The following TTI2 variants were observed in gnomAD, a reference collection of about 807,000 sequenced individuals.
The protein encoded by TTI2 is TELO2-interacting protein 2.
In TTI2, 26 loss-of-function variants were observed where a neutral mutation model predicts 44.9. The observed-to-expected ratio is 0.58, with a 90% CI of 0.42 to 0.80. The LOEUF (loss-of-function observed/expected upper bound fraction) is 0.80. TTI2 is among the 30% of genes least tolerant of loss of function. The pLI is 0.00. For synonymous variants in TTI2, 254 were observed against 250.9 expected (o/e 1.01, Z -0.12); for missense variants, 582 against 611.6 (o/e 0.95, Z 0.51).
chr8:33,501,387 C>T (rs1285148169), intron 6 of TTI2: 1 of 152,154 alleles, frequency 6.6e-6, no homozygotes, highest in Non-Finnish European at 1.5e-5. Context: ...TCCCATGCTT[C>T]ACCCCCTCAT....
Position 33,509,940 on chromosome 8 carries a change from A to C in TTI2, c.648-8T>G, listed in dbSNP as rs1284250166. On this transcript the variant is annotated splice_polypyrimidine_tract_variant and splice_region_variant and intron_variant, in intron 2 of 7. Coordinates refer to ENST00000431156, the MANE Select transcript of TTI2 (RefSeq NM_001102401.4). The stretch of plus-strand genomic sequence containing the variant: ...TTATTCTTCCAGGATTCCCTAAGTG[A>C]ATACATAGAATTACATTAAGTGACA... 8.3e-6 allele frequency: 13 copies of C among 1,572,628 alleles called. No individual in the cohort carries two copies. The highest frequency in any genetic ancestry group is 1.1e-5 in the Non-Finnish European group (13 of 1,147,468).
At position 33,512,596 on chromosome 8, in the gene TTI2, A is replaced by G. The variant is rs931337304; in HGVS notation, c.18T>C (p.Ala6=). The change falls in exon 2 of 8, where the codon GCT becomes GCC. Residue 6 remains alanine, a synonymous_variant. Coordinates refer to ENST00000431156, the MANE Select transcript of TTI2 (RefSeq NM_001102401.4). The part of the protein sequence containing the change: MELDS[A]LEAPSQEDSN... ...AGTCTTCCTGCGATGGGGCTTCCAG[A>G]GCGCTGTCAAGCTCCATTCCTGACT... 8.7e-6 allele frequency: 14 copies of G among 1,613,278 alleles called. No individual in the cohort carries two copies. Among genetic ancestry groups the G allele is most frequent in the Non-Finnish European group, 1.2e-5 (14 of 1,180,042 alleles).
At chr8:33,506,222 C>T (rs1249003327) in intron 4 of TTI2, among the ~76,000 whole-genome samples, 2 of 152,242 alleles carry the variant, frequency 1.3e-5, no homozygotes, top group African/African-American at 2.4e-5. Flanking sequence ...AATCCCTATC[C>T]GTTCATTTAC....
At chr8:33,510,850 T>C (rs1191730337) in intron 2 of TTI2, among the ~76,000 whole-genome samples, 1 of 152,150 alleles carries the variant, frequency 6.6e-6, no homozygotes, top group African/African-American at 2.4e-5. Flanking sequence ...GCTAACAAAG[T>C]AGCAAGTGGA....
rs550483553 is a variant in TTI2 at position 33,511,168 on chromosome 8, G to A, written c.647+799C>T. On this transcript the variant is annotated intron_variant, in intron 2 of 7. Coordinates refer to ENST00000431156, the MANE Select transcript of TTI2 (RefSeq NM_001102401.4). ...AGCGATTCTACTGCCTCAGCCTCCC[G>A]AGTAGTTTGGATTACAGGCGTCCAC... Among the ~76,000 whole-genome samples, 5 of 152,050 alleles carry A rather than the reference G, an allele frequency of 3.3e-5. No individual in the cohort carries two copies. The South Asian group carries it at 8.3e-4, about 25-fold the overall frequency.
intron 7 of TTI2, 133 bp downstream of exon 7, chr8:33,500,195 C>A: frequency 2.1e-6 from 2 of 947,076 alleles, no homozygotes; most frequent in South Asian, 1.5e-5. Flanking sequence ...CTAGAGGGCT[C>A]ATATGGAGAT....
At chr8:33,506,856 C>A (rs1809316348) in intron 4 of TTI2, among the ~76,000 whole-genome samples, 1 of 151,940 alleles carries the variant, frequency 6.6e-6, no homozygotes, top group Non-Finnish European at 1.5e-5. Flanking sequence ...TCATGCCCGG[C>A]TAATTTTTTT....
Position 33,512,681 on chromosome 8 carries a change from T to C in TTI2, c.-68A>G. 6.4e-7 allele frequency: 1 copy of C among 1,568,488 alleles called. No individual in the cohort carries two copies. Among genetic ancestry groups the C allele is most frequent in the African/African-American group, 1.4e-5 (1 of 73,914 alleles). ...AGGATGGAGGCGGGGAGGGATCCGTTGAAGAGGGAAGGAGCGATCACCCAA... is the reference window on the plus strand; with the variant it reads ...AGGATGGAGGCGGGGAGGGATCCGTCGAAGAGGGAAGGAGCGATCACCCAA... On this transcript the variant is annotated 5_prime_UTR_variant, in exon 2 of 8. Coordinates refer to ENST00000431156, the MANE Select transcript of TTI2 (RefSeq NM_001102401.4).
intron 1 of TTI2, 121 bp from the exon 2 acceptor site, chr8:33,512,833 C>A: frequency 4.5e-6 from 2 of 446,216 alleles, no homozygotes; most frequent in Non-Finnish European, 8.1e-6. Flanking sequence ...CGAGATCGCG[C>A]CACTGCACTC....
chr8:33,506,594 T>C (rs1002238228), intron 4 of TTI2, among the ~76,000 whole-genome samples: 1 of 151,786 alleles, frequency 6.6e-6, no homozygotes, highest in Non-Finnish European at 1.5e-5. Flanking sequence ...GGTTTCACCA[T>C]ATTAGCCAGG....
At chr8:33,502,985 C>T (rs1447122753) in intron 6 of TTI2, among the ~76,000 whole-genome samples, 9 of 151,750 alleles carry the variant, frequency 5.9e-5, no homozygotes, top group African/African-American at 9.7e-5. Context: ...AAAAATTAGC[C>T]GGGCCTGGCG....
intron 6 of TTI2, 51 bp downstream of exon 6, chr8:33,503,378 A>G (rs1235562933): frequency 2.0e-5 from 32 of 1,613,466 alleles, no homozygotes; most frequent in Non-Finnish European, 2.6e-5. Flanking sequence ...ACATCCAAGC[A>G]AGTTCTCAAG....
chr8:33,501,798 GC>G (rs1304363506), intron 6 of TTI2, among the ~76,000 whole-genome samples: 1 of 152,080 alleles, frequency 6.6e-6, no homozygotes, highest in Non-Finnish European at 1.5e-5. Flanking sequence ...AGATTCTCTG[GC>G]TGAATTCAAT....
intron 4 of TTI2, among the ~76,000 whole-genome samples, chr8:33,506,598 A>T (rs1272750680): frequency 2.0e-5 from 3 of 151,066 alleles, no homozygotes; most frequent in Admixed American, 2.0e-4. Flanking sequence ...TCACCATATT[A>T]GCCAGGATGG....
Position 33,499,055 on chromosome 8 carries a change from A to C in TTI2, c.*118T>G. ...GAGGTAAAAGGAAAGGAAGGAAGGA[A>C]AAAGCAGCTTTCACTTACAAAGTTT... On this transcript the variant is annotated 3_prime_UTR_variant, in exon 8 of 8. Transcript: ENST00000431156. 3 of 855,526 alleles carry C rather than the reference A, an allele frequency of 3.5e-6. No individual in the cohort carries two copies. Among genetic ancestry groups the C allele is most frequent in the Non-Finnish European group, 5.8e-6 (3 of 520,670 alleles). 53.0% of individuals were successfully genotyped at this position (855,526 alleles called of 1,614,324 possible).
At chr8:33,499,299 G>T in intron 7 of TTI2, 22 bp from the exon 8 acceptor site, 1 of 1,558,438 alleles carries the variant, frequency 6.4e-7, no homozygotes, top group Non-Finnish European at 8.8e-7. Context: ...AACCAAACAG[G>T]CTTTGATATT....
intron 3 of TTI2, among the ~76,000 whole-genome samples, chr8:33,509,447 C>T (rs1362487983): frequency 2.7e-5 from 3 of 112,638 alleles, no homozygotes; most frequent in Non-Finnish European, 5.1e-5. Context: ...TAGAGTGAGA[C>T]TCCCTCTCAA....
intron 4 of TTI2, among the ~76,000 whole-genome samples, chr8:33,506,062 G>T (rs1809281619): frequency 6.6e-6 from 1 of 152,154 alleles, no homozygotes; most frequent in South Asian, 2.1e-4. Flanking sequence ...TGGGATTACA[G>T]GCGTGAGCCC....
intron 3 of TTI2, 72 bp from the exon 4 acceptor site, chr8:33,507,393 T>C (rs968390064): frequency 2.2e-6 from 3 of 1,349,896 alleles, no homozygotes; most frequent in Admixed American, 1.8e-5. Context: ...ATCTTTGAAA[T>C]TGGATTATGG....
Sources: allele counts gnomAD v4.1 joint callset (sites outside exome capture counted in the v4.1 genomes callset), GRCh38; gene constraint gnomAD v4.1.1; transcripts MANE v1.5; gene names NCBI Gene and HGNC (gene_info 2026-07-23, HGNC 2026-07-21).